The following ABCC4 variants were observed in gnomAD, a reference collection of about 807,000 sequenced individuals.
ABCC4 encodes the protein ATP binding cassette subfamily C member 4 (PEL blood group), also known as ATP-binding cassette sub-family C member 4.
ABCC4 carries 102 observed loss-of-function variants against 168.5 expected under a neutral mutation model. The observed-to-expected ratio is 0.61, with a 90% CI of 0.52 to 0.71. The LOEUF (loss-of-function observed/expected upper bound fraction) is 0.71. ABCC4 is among the 30% of genes least tolerant of loss of function. The probability of loss-of-function intolerance (pLI) is 0.00; values close to 1 mark genes in which losing one functional copy is unlikely to be tolerated. For missense variants in ABCC4, 1,402 were observed against 1,605.8 expected, an observed-to-expected ratio of 0.87 and a Z score of 2.17; for synonymous variants, 617 against 590.7, an observed-to-expected ratio of 1.04 and a Z score of -0.65.
At position 95,133,108 on chromosome 13, in the gene ABCC4, CTTTTTTTTTTTTT is replaced by C. The variant is rs761691210; in HGVS notation, c.2456-17120_2456-17108del. On this transcript the variant is annotated intron_variant, in intron 19 of 30. Transcript: ENST00000645237. ...GGTGCATTTTACTATGATTTTAAAA[CTTTTTTTTTTTTT>C]TTTTTTTTTGGAGACAGAATCTTGC... 1.1e-4 allele frequency among the ~76,000 whole-genome samples: 12 copies of C among 110,672 alleles called. No individual in the cohort carries two copies. The East Asian group carries it at 2.9e-3, about 26-fold the overall frequency. 72.6% of individuals were successfully genotyped at this position (110,672 alleles called of 152,430 possible). A position where few individuals can be genotyped will look rare whatever the true frequency, so the allele number is the denominator to read the frequency against.
chr13:95,298,120 C>T (rs2041581467), intron 1 of ABCC4, among the ~76,000 whole-genome samples: 1 of 152,042 alleles, frequency 6.6e-6, no homozygotes, highest in Non-Finnish European at 1.5e-5. Context: ...GCAACCCCAT[C>T]TCTACCAAAA....
intron 1 of ABCC4, among the ~76,000 whole-genome samples, chr13:95,299,267 CAAA>C (rs59178850): frequency 1.5e-5 from 2 of 129,872 alleles, no homozygotes; most frequent in Non-Finnish European, 3.2e-5. Context: ...GATCCTGTCT[CAAA>C]AAAAAAAAAA....
chr13:95,299,936 G>C (rs1440599390), intron 1 of ABCC4, among the ~76,000 whole-genome samples: 1 of 152,142 alleles, frequency 6.6e-6, no homozygotes, highest in African/African-American at 2.4e-5. Context: ...CCGCCTACTG[G>C]GTTCAAGCAA....
At chr13:95,195,433 C>T (rs1226837674) in intron 8 of ABCC4, among the ~76,000 whole-genome samples, 5 of 152,196 alleles carry the variant, frequency 3.3e-5, no homozygotes, top group Non-Finnish European at 7.3e-5. Context: ...GCAGGAAACA[C>T]AGGGCAGAGC....
intron 4 of ABCC4, among the ~76,000 whole-genome samples, chr13:95,234,308 G>A (rs2039702162): frequency 6.6e-6 from 1 of 152,154 alleles, no homozygotes; most frequent in South Asian, 2.1e-4. Context: ...TTCTGCAACA[G>A]CCTGTTATCA....
chr13:95,228,587 C>T (rs182885649), intron 4 of ABCC4, among the ~76,000 whole-genome samples: 94 of 152,132 alleles, frequency 6.2e-4, no homozygotes, highest in Non-Finnish European at 1.0e-3. Flanking sequence ...CCAGCCTGGC[C>T]AACATGGTGA....
chr13:95,151,978 G>T (rs1594189802), intron 19 of ABCC4, among the ~76,000 whole-genome samples: 1 of 152,184 alleles, frequency 6.6e-6, no homozygotes, highest in Non-Finnish European at 1.5e-5. Flanking sequence ...TTAAGGGCAT[G>T]AAGTTTATGA....
chr13:95,050,704 C>T (rs904001810), intron 27 of ABCC4, among the ~76,000 whole-genome samples: 1 of 152,150 alleles, frequency 6.6e-6, no homozygotes, highest in African/African-American at 2.4e-5. Flanking sequence ...GGACCTACCA[C>T]GTCTTCCACC....
chr13:95,100,557 G>A (rs1414950907), intron 20 of ABCC4, among the ~76,000 whole-genome samples: 1 of 152,204 alleles, frequency 6.6e-6, no homozygotes, highest in Non-Finnish European at 1.5e-5. Context: ...GGGGTCAAGA[G>A]TTGGCAAATA....
rs535148035 is a variant in ABCC4 at position 95,159,730 on chromosome 13, G to A, written c.2455+1459C>T. On this transcript the variant is annotated intron_variant, in intron 19 of 30. Transcript: ENST00000645237. ...AACAGCTGAAATCAGACCGATATTT[G>A]TGTGGTCTCTGCAGTTTACAAATCC... 2.0e-5 allele frequency among the ~76,000 whole-genome samples: 3 copies of A among 152,324 alleles called. No individual in the cohort carries two copies. The East Asian group carries it at 5.8e-4, about 29-fold the overall frequency.
chr13:95,195,886 G>A (rs1169067180), intron 8 of ABCC4, among the ~76,000 whole-genome samples: 4 of 151,768 alleles, frequency 2.6e-5, no homozygotes, highest in South Asian at 2.1e-4. Context: ...TACCCACCTC[G>A]GCCTCCCAAA....
At chr13:95,032,965 C>CTTTTTTT (rs74329595) in intron 30 of ABCC4, among the ~76,000 whole-genome samples, 6 of 86,260 alleles carry the variant, frequency 7.0e-5, no homozygotes, top group African/African-American at 2.0e-4. Flanking sequence ...CACGCCTGGT[C>CTTTTTTT]TTTTTTTTTT....
chr13:95,273,816 GTTT>G (rs753327163), intron 1 of ABCC4, among the ~76,000 whole-genome samples: 2 of 98,654 alleles, frequency 2.0e-5, no homozygotes, highest in African/African-American at 7.9e-5. Flanking sequence ...TTTTTGGTTT[GTTT>G]TTTTTTTTTT....
intron 3 of ABCC4, among the ~76,000 whole-genome samples, chr13:95,239,696 T>C (rs934467883): frequency 6.6e-6 from 1 of 151,884 alleles, no homozygotes; most frequent in Non-Finnish European, 1.5e-5. Flanking sequence ...GAACAAGCAA[T>C]AACAAAAAAT....
chr13:95,058,567 C>CAAAAAAAAAAAAAAAAA (rs1165324016), intron 26 of ABCC4, among the ~76,000 whole-genome samples: 21 of 62,784 alleles, frequency 3.3e-4, no homozygotes, highest in East Asian at 7.3e-4. Flanking sequence ...GACTCCATCT[C>CAAAAAAAAAAAAAAAAA]AAAAAAAAAA....
chr13:95,164,622 C>A, intron 15 of ABCC4, 104 bp from the exon 16 acceptor site: 1 of 1,199,252 alleles, frequency 8.3e-7, no homozygotes, highest in Non-Finnish European at 1.2e-6. Flanking sequence ...AGGCAGAAGT[C>A]CAAAATGATC....
chr13:95,289,947 T>C (rs2041349282), intron 1 of ABCC4, among the ~76,000 whole-genome samples: 1 of 151,642 alleles, frequency 6.6e-6, no homozygotes, highest in Non-Finnish European at 1.5e-5. Flanking sequence ...AAATACAAAA[T>C]TAGCCAGGCA....
chr13:95,218,486 C>T (rs1336118740), intron 4 of ABCC4, among the ~76,000 whole-genome samples: 1 of 152,162 alleles, frequency 6.6e-6, no homozygotes, highest in African/African-American at 2.4e-5. Context: ...AGTTTCACTG[C>T]CTTCTGAGGC....
chr13:95,049,478 A>G (rs1307837784), intron 27 of ABCC4, among the ~76,000 whole-genome samples: 1 of 151,980 alleles, frequency 6.6e-6, no homozygotes, highest in African/African-American at 2.4e-5. Context: ...CGTCTCTACT[A>G]AAAATACAAA....
Sources: allele counts gnomAD v4.1 joint callset (sites outside exome capture counted in the v4.1 genomes callset), GRCh38; gene constraint gnomAD v4.1.1; transcripts MANE v1.5; gene names NCBI Gene and HGNC (gene_info 2026-07-23, HGNC 2026-07-21).